The following STAU2 variants were observed in gnomAD, a reference collection of about 807,000 sequenced individuals.
The protein encoded by STAU2 is staufen double-stranded RNA binding protein 2.
Under a neutral mutation model 65.9 loss-of-function variants are expected in STAU2, and 20 were observed. The ratio of observed to expected loss-of-function variants is 0.30; its 90% CI spans 0.21 to 0.44. The LOEUF (loss-of-function observed/expected upper bound fraction) is 0.44. Among genes scored for constraint, STAU2 ranks in the 20% least tolerant of loss-of-function variants. The probability of loss-of-function intolerance (pLI) is 1.00; values close to 1 mark genes in which losing one functional copy is unlikely to be tolerated. For synonymous variants in STAU2, 232 were observed against 233.9 expected, an observed-to-expected ratio of 0.99 and a Z score of 0.07; for missense variants, 558 against 683.9, an observed-to-expected ratio of 0.82 and a Z score of 2.05.
At chr8:73,720,889 T>A (rs529672699) in intron 3 of STAU2, among the ~76,000 whole-genome samples, 1 of 152,116 alleles carries the variant, frequency 6.6e-6, no homozygotes, top group African/African-American at 2.4e-5. Context: ...TTCCAAATAT[T>A]TAGAGATTTC....
intron 13 of STAU2, among the ~76,000 whole-genome samples, chr8:73,434,964 C>A (rs2128885406): frequency 6.6e-6 from 1 of 151,998 alleles, no homozygotes; most frequent in African/African-American, 2.4e-5. Flanking sequence ...CATTCTACCT[C>A]ACAACCTCAT....
intron 6 of STAU2, among the ~76,000 whole-genome samples, chr8:73,638,778 A>G (rs1008846330): frequency 6.6e-6 from 1 of 151,974 alleles, no homozygotes; most frequent in African/African-American, 2.4e-5. Flanking sequence ...ATGCCACAAT[A>G]TATTTTAGTT....
At chr8:73,596,700 T>A (rs977301943) in intron 10 of STAU2, among the ~76,000 whole-genome samples, 34 of 152,160 alleles carry the variant, frequency 2.2e-4, no homozygotes, top group African/African-American at 7.5e-4. Context: ...AAAATTTTAA[T>A]TAGCTAGGCA....
At chr8:73,454,987 T>A (rs1818986306) in intron 13 of STAU2, among the ~76,000 whole-genome samples, 1 of 151,972 alleles carries the variant, frequency 6.6e-6, no homozygotes, top group South Asian at 2.1e-4. Flanking sequence ...GACCTTGGAG[T>A]CCAAGCCAGC....
At chr8:73,643,185 T>A (rs2130145388) in intron 6 of STAU2, among the ~76,000 whole-genome samples, 1 of 152,298 alleles carries the variant, frequency 6.6e-6, no homozygotes, top group South Asian at 2.1e-4. Flanking sequence ...AAAGCAAGAA[T>A]CCTAAAAGGT....
intron 13 of STAU2, among the ~76,000 whole-genome samples, chr8:73,482,083 G>C (rs7814347): frequency 0.76 from 115,060 of 152,058 alleles, 43,916 homozygotes; most frequent in East Asian, 0.95. Flanking sequence ...GAGCGCCTCC[G>C]AGGTGTGGGG....
intron 12 of STAU2, among the ~76,000 whole-genome samples, chr8:73,554,613 T>C (rs887777226): frequency 1.3e-5 from 2 of 152,202 alleles, no homozygotes; most frequent in African/African-American, 2.4e-5. Context: ...GCTGGTTTCA[T>C]GCTCACCCGG....
At chr8:73,539,270 A>T (rs1035640028) in intron 13 of STAU2, among the ~76,000 whole-genome samples, 6 of 152,234 alleles carry the variant, frequency 3.9e-5, no homozygotes, top group Non-Finnish European at 7.3e-5. Context: ...TATACTCAAA[A>T]GAAAAGGCAA....
At chr8:73,738,422 C>A (rs1259847343) in intron 2 of STAU2, 73 bp from the exon 3 acceptor site, 4 of 1,001,874 alleles carry the variant, frequency 4.0e-6, no homozygotes, top group Non-Finnish European at 5.9e-6. Context: ...TAAACACATG[C>A]CCTTGATCAA....
intron 10 of STAU2, 49 bp downstream of exon 10, chr8:73,603,676 AT>A (rs780830033): frequency 2.3e-5 from 36 of 1,589,608 alleles, no homozygotes; most frequent in Non-Finnish European, 3.1e-5. Context: ...TGCCTATTCC[AT>A]CCTGGGGATT....
chr8:73,560,691 T>C (rs1374241436), intron 12 of STAU2, among the ~76,000 whole-genome samples: 1 of 152,250 alleles, frequency 6.6e-6, no homozygotes, highest in East Asian at 1.9e-4. Flanking sequence ...GGTCATGACA[T>C]AGCATCCAGC....
At chr8:73,459,551 AG>A (rs911517081) in intron 13 of STAU2, among the ~76,000 whole-genome samples, 3 of 152,136 alleles carry the variant, frequency 2.0e-5, no homozygotes, top group African/African-American at 7.2e-5. Flanking sequence ...CCTGTCAGGA[AG>A]GGGGGCCTCC....
intron 6 of STAU2, among the ~76,000 whole-genome samples, chr8:73,618,566 C>G (rs1200815066): frequency 6.6e-6 from 1 of 152,196 alleles, no homozygotes; most frequent in Non-Finnish European, 1.5e-5. Flanking sequence ...CTACAAATTG[C>G]TGTAGGCATT....
At chr8:73,709,832 T>C (rs1357874326) in intron 3 of STAU2, among the ~76,000 whole-genome samples, 2 of 152,086 alleles carry the variant, frequency 1.3e-5, no homozygotes, top group Admixed American at 6.6e-5. Flanking sequence ...AAGTTCCTTA[T>C]TATCTTTTAC....
intron 12 of STAU2, among the ~76,000 whole-genome samples, chr8:73,567,669 T>C (rs976176715): frequency 6.6e-6 from 1 of 151,886 alleles, no homozygotes; most frequent in Non-Finnish European, 1.5e-5. Flanking sequence ...CACCTTGGCC[T>C]CCTGAGTAAT....
At chr8:73,693,587 G>GACATGAACATTCTGTAAAACCATCA (rs1819508513) in intron 4 of STAU2, among the ~76,000 whole-genome samples, 5 of 151,324 alleles carry the variant, frequency 3.3e-5, no homozygotes, top group Admixed American at 3.3e-4. Flanking sequence ...TACCACCATC[G>GACATGAACATTCTGTAAAACCATCA]ACATGAACAT....
intron 4 of STAU2, among the ~76,000 whole-genome samples, chr8:73,690,328 CAAA>C (rs56744849): frequency 2.7e-4 from 16 of 58,240 alleles, no homozygotes; most frequent in African/African-American, 8.5e-4. Context: ...GACTCTGTCT[CAAA>C]AAAAAAAAAA....
intron 13 of STAU2, among the ~76,000 whole-genome samples, chr8:73,459,811 C>T (rs1426093463): frequency 1.3e-5 from 2 of 152,200 alleles, no homozygotes; most frequent in Non-Finnish European, 2.9e-5. Flanking sequence ...ATTTTCAAAA[C>T]ATATTTCAGG....
At chr8:73,485,579 G>A (rs1006229844) in intron 13 of STAU2, among the ~76,000 whole-genome samples, 1 of 151,972 alleles carries the variant, frequency 6.6e-6, no homozygotes, top group Non-Finnish European at 1.5e-5. Context: ...TGGCAAGCTC[G>A]GTAGCTCAGA....
Sources: gnomAD v4.1 joint callset for allele counts (sites outside exome capture counted in the v4.1 genomes callset) on GRCh38, gnomAD v4.1.1 for gene constraint, MANE v1.5 for transcripts, NCBI Gene and HGNC (gene_info 2026-07-23, HGNC 2026-07-21) for gene names.